Variants in TNFAIP8 observed in about 807,000 individuals in gnomAD.
TNFAIP8 encodes tumor necrosis factor alpha-induced protein 8.
A neutral mutation model predicts 13.3 loss-of-function variants in TNFAIP8; 7 were observed. The ratio of observed to expected loss-of-function variants is 0.52; its 90% CI spans 0.30 to 0.99. The LOEUF is 0.99. Ranked by LOEUF, TNFAIP8 falls within the 50% of genes least tolerant of loss-of-function variation. The probability of loss-of-function intolerance (pLI) is 0.07; values close to 1 mark genes in which losing one functional copy is unlikely to be tolerated. For synonymous variants in TNFAIP8, 94 were observed against 87.6 expected (o/e 1.07, Z -0.41); for missense variants, 258 against 236.9 (o/e 1.09, Z -0.58).
intron 1 of TNFAIP8, among the ~76,000 whole-genome samples, chr5:119,317,607 A>C (rs1206187530): frequency 6.7e-6 from 1 of 149,350 alleles, no homozygotes; most frequent in East Asian, 1.9e-4. Flanking sequence ...AATTATTATT[A>C]TTATTATTTG....
At chr5:119,380,986 C>T (rs985351024) in intron 1 of TNFAIP8, among the ~76,000 whole-genome samples, 29 of 152,118 alleles carry the variant, frequency 1.9e-4, no homozygotes, top group Admixed American at 1.4e-3. Context: ...AGCCAGAGTA[C>T]GTCTGAAAAT....
chr5:119,372,694 T>G (rs1466679106), intron 1 of TNFAIP8, among the ~76,000 whole-genome samples: 1 of 152,228 alleles, frequency 6.6e-6, no homozygotes, highest in East Asian at 1.9e-4. Context: ...GCACTATGGC[T>G]CATGCCTGTA....
intron 1 of TNFAIP8, among the ~76,000 whole-genome samples, chr5:119,357,046 G>C (rs1182614804): frequency 1.3e-5 from 2 of 152,166 alleles, no homozygotes; most frequent in African/African-American, 2.4e-5. Context: ...TGGCAGAGGA[G>C]CAGCCCCATC....
At chr5:119,320,920 A>G (rs189153019) in intron 1 of TNFAIP8, among the ~76,000 whole-genome samples, 1,673 of 152,288 alleles carry the variant, frequency 0.011, 30 homozygotes, top group African/African-American at 0.038. Context: ...CAAAAAACTA[A>G]AAAAGACTAG....
intron 1 of TNFAIP8, among the ~76,000 whole-genome samples, chr5:119,324,457 G>A (rs1163728871): frequency 6.6e-6 from 1 of 152,076 alleles, no homozygotes; most frequent in Non-Finnish European, 1.5e-5. Context: ...TCACTGCTGA[G>A]TCACAGGGAT....
rs529103332 is a variant in TNFAIP8, at chr5:119,295,605, C to T, written c.1+26698C>T. On this transcript the variant is annotated intron_variant, in intron 1 of 1. Transcript: ENST00000274456. Reference sequence around the variant, plus strand: ...TTCTTTTGGCTTAGGATTGACTTGGCTATGCGGGCTCTTTTTTGGTTCCAT... The same window carrying T: ...TTCTTTTGGCTTAGGATTGACTTGGTTATGCGGGCTCTTTTTTGGTTCCAT... Among the ~76,000 whole-genome samples, 596 of 152,054 alleles carry T rather than the reference C, an allele frequency of 3.9e-3. 4 individuals are homozygous for T. Among genetic ancestry groups the T allele is most frequent in the Non-Finnish European group, 4.6e-3 (314 of 67,942 alleles).
rs146297539 is a variant in TNFAIP8 at position 119,284,595 on chromosome 5, C to T, written c.1+15688C>T. 1.5e-3 allele frequency among the ~76,000 whole-genome samples: 230 copies of T among 151,982 alleles called. 1 individual carries two copies. The highest frequency in any genetic ancestry group is 5.3e-3 in the African/African-American group (221 of 41,452). ...CCTTGGGAGGCTGAGGCAGGAGAAT[C>T]GCTTGAACCCAGGATGAGGAGGTTG... is the stretch of plus-strand genomic sequence containing the variant. On this transcript the variant is annotated intron_variant, in intron 1 of 1. Coordinates refer to the TNFAIP8 transcript ENST00000274456.
rs1363877975 is a variant in TNFAIP8, at chr5:119,377,545, T to C, written c.32-15271T>C. ...ATCCAAGTTCAGTTTTCTCCTGGGATCATTGTAAATTTGTCAAATTTACCA... is the reference window on the plus strand; with the variant it reads ...ATCCAAGTTCAGTTTTCTCCTGGGACCATTGTAAATTTGTCAAATTTACCA... On this transcript the variant is annotated intron_variant, in intron 1 of 1. Coordinates refer to ENST00000504771, the MANE Select transcript of TNFAIP8 (RefSeq NM_014350.4). Among the ~76,000 whole-genome samples the C allele has an allele frequency of 2.6e-5, 4 of 152,144 alleles. No individual in the cohort carries two copies. In the East Asian group the frequency reaches 5.8e-4, roughly 22 times the overall value.
At chr5:119,335,186 G>A (rs1337248320) in intron 1 of TNFAIP8, among the ~76,000 whole-genome samples, 1 of 152,096 alleles carries the variant, frequency 6.6e-6, no homozygotes, top group Non-Finnish European at 1.5e-5. Flanking sequence ...TGGCTGAATT[G>A]CCTGTGGGAG....
At position 119,393,128 on chromosome 5, in the gene TNFAIP8, G is replaced by C. The variant is rs1013591606; in HGVS notation, c.344G>C (p.Ser115Thr). The change falls in exon 2 of 2, where the codon AGT (serine) becomes ACT (threonine). Residue 115 changes from serine (S) to threonine (T), a missense_variant. By Grantham distance (58) the Ser-to-Thr change is moderately conservative. Transcript: ENST00000504771. ...CATCAGCTTGCTATGACCGTGGTCAGTTTCCATCAGGTGGATTATACCTTT... is the reference window on the plus strand; with the variant it reads ...CATCAGCTTGCTATGACCGTGGTCACTTTCCATCAGGTGGATTATACCTTT... Reference protein sequence around the residue: ...KVHQLAMTVVSFHQVDYTFDR... With the variant: ...KVHQLAMTVVTFHQVDYTFDR... 1 of 1,613,994 alleles carries C rather than the reference G, an allele frequency of 6.2e-7. No individual in the cohort carries two copies. The highest frequency in any genetic ancestry group is 1.1e-5 in the South Asian group (1 of 91,092).
rs558625897 is a variant in TNFAIP8, at chr5:119,269,032, T to C, written c.1+125T>C. 117 of 592,964 alleles carry C rather than the reference T, an allele frequency of 2.0e-4. No homozygotes were observed. The African/African-American group carries it at 2.1e-3, about 11-fold the overall frequency. The allele number at this position is 592,964 out of a possible 1,614,324, so 36.7% of individuals were successfully genotyped here. A position where few individuals can be genotyped will look rare whatever the true frequency, so the allele number is the denominator to read the frequency against. ...AGTTTCTGAAGCGAGTGTGAGTGAGTGTGAGTGGGTGCGTTTGAACAACTT... is the reference window on the plus strand; with the variant it reads ...AGTTTCTGAAGCGAGTGTGAGTGAGCGTGAGTGGGTGCGTTTGAACAACTT... On this transcript the variant is annotated intron_variant, in intron 1 of 1. Coordinates refer to the TNFAIP8 transcript ENST00000274456.
chr5:119,355,671 G>A (rs1027375543), upstream of TNFAIP8: 4 of 378,242 alleles, frequency 1.1e-5, no homozygotes, highest in African/African-American at 6.3e-5. Flanking sequence ...TGTGCTCTGA[G>A]ATGAGACTTT....
rs1172834139 is a variant in TNFAIP8, at chr5:119,394,478, G to T, written c.*1097G>T. ...GTGTGGTGTTTCTATATAATTTTCTGTGTATAAATAATAAAGTAGGCATTT... is the reference window on the plus strand; with the variant it reads ...GTGTGGTGTTTCTATATAATTTTCTTTGTATAAATAATAAAGTAGGCATTT... On this transcript the variant is annotated 3_prime_UTR_variant, in exon 2 of 2. Coordinates refer to ENST00000504771, the MANE Select transcript of TNFAIP8 (RefSeq NM_014350.4). 6.6e-6 allele frequency: 1 copy of T among 152,032 alleles called. No individual in the cohort carries two copies. The highest frequency in any genetic ancestry group is 6.6e-5 in the Admixed American group (1 of 15,262). The allele number at this position is 152,032 out of a possible 1,614,324, so 9.4% of individuals were successfully genotyped here.
upstream of TNFAIP8, chr5:119,354,241 G>T (rs537729880): frequency 6.6e-6 from 1 of 152,328 alleles, no homozygotes; most frequent in African/African-American, 2.4e-5. Context: ...TTTCGGAAGG[G>T]TGCAGTCTGT....
intron 1 of TNFAIP8, chr5:119,268,998 G>A: frequency 1.6e-6 from 1 of 626,428 alleles, no homozygotes; most frequent in South Asian, 1.8e-5. Flanking sequence ...GAGCGCCTCC[G>A]GCTCAGAGAG....
intron 1 of TNFAIP8, among the ~76,000 whole-genome samples, chr5:119,286,448 C>T (rs935581362): frequency 2.0e-5 from 3 of 152,148 alleles, no homozygotes; most frequent in African/African-American, 4.8e-5. Flanking sequence ...GGTGAAACCC[C>T]GTCTCTACTA....
chr5:119,367,484 G>A (rs1751902755), intron 1 of TNFAIP8, among the ~76,000 whole-genome samples: 1 of 152,132 alleles, frequency 6.6e-6, no homozygotes, highest in African/African-American at 2.4e-5. Context: ...AATATTGTCT[G>A]TTGTTTCCTT....
At chr5:119,361,769 C>T (rs1189245257) in intron 1 of TNFAIP8, among the ~76,000 whole-genome samples, 4 of 152,202 alleles carry the variant, frequency 2.6e-5, no homozygotes, top group African/African-American at 4.8e-5. Context: ...ATGTGGCCTA[C>T]GCAGCCAGGC....
At chr5:119,302,142 C>T (rs1402620933) in intron 1 of TNFAIP8, among the ~76,000 whole-genome samples, 2 of 152,138 alleles carry the variant, frequency 1.3e-5, no homozygotes, top group African/African-American at 4.8e-5. Flanking sequence ...TTTAGTTGTC[C>T]TAGTTGGGGT....
Sources: allele counts gnomAD v4.1 joint callset (sites outside exome capture counted in the v4.1 genomes callset), GRCh38; gene constraint gnomAD v4.1.1; transcripts MANE v1.5; gene names NCBI Gene and HGNC (gene_info 2026-07-23, HGNC 2026-07-21).